Variants in AUTS2 observed in about 807,000 individuals in gnomAD.
The protein encoded by AUTS2 is activator of transcription and developmental regulator AUTS2, also known as autism susceptibility gene 2 protein.
AUTS2 carries 17 observed loss-of-function variants against 112.4 expected under a neutral mutation model. The observed-to-expected ratio is 0.15, with a 90% CI of 0.10 to 0.23. The LOEUF is 0.23. Ranked by LOEUF, AUTS2 falls within the 10% of genes least tolerant of loss-of-function variation. The pLI is 1.00. For missense variants in AUTS2, 1,510 were observed against 1,701.6 expected, an observed-to-expected ratio of 0.89 and a Z score of 1.98; for synonymous variants, 751 against 702.7, an observed-to-expected ratio of 1.07 and a Z score of -1.09.
intron 5 of AUTS2, among the ~76,000 whole-genome samples, chr7:70,527,489 A>G (rs1040287087): frequency 3.6e-4 from 55 of 152,284 alleles, no homozygotes; most frequent in African/African-American, 1.2e-3. Flanking sequence ...AAATTCTAGA[A>G]ACTTCTTCCT....
intron 5 of AUTS2, among the ~76,000 whole-genome samples, chr7:70,516,690 G>A (rs529057453): frequency 4.6e-5 from 7 of 152,278 alleles, no homozygotes; most frequent in African/African-American, 1.7e-4. Context: ...GGCCCCTCAG[G>A]AAATGTTTGC....
Position 70,631,953 on chromosome 7 carries a change from T to C in AUTS2, c.691-66616T>C, listed in dbSNP as rs771926597. On this transcript the variant is annotated intron_variant, in intron 5 of 18. Coordinates refer to ENST00000342771, the MANE Select transcript of AUTS2 (RefSeq NM_015570.4). The surrounding 1 kb of genome is among the most constrained non-coding windows in gnomAD (Gnocchi z 4.5). ...GGAGATTTGCATCTCTGGCCTCCTG[T>C]GGAGACCCGATCTGCCGTCCTGGTG... Among the ~76,000 whole-genome samples the C allele has an allele frequency of 6.6e-6, 1 of 151,942 alleles. No homozygotes were observed. Among genetic ancestry groups the C allele is most frequent in the Non-Finnish European group, 1.5e-5 (1 of 68,002 alleles).
Position 70,180,876 on chromosome 7 carries a change from C to T in AUTS2, c.660+46305C>T, listed in dbSNP as rs1809261234. ...ATTCCTCTATTGACTATTGTGTTTG[C>T]TTTATTTTATAAAATTTATTATTAA... is the stretch of plus-strand genomic sequence containing the variant. On this transcript the variant is annotated intron_variant, in intron 4 of 18. Coordinates refer to ENST00000342771, the MANE Select transcript of AUTS2 (RefSeq NM_015570.4). Among the ~76,000 whole-genome samples, 4 of 152,096 alleles carry T rather than the reference C, an allele frequency of 2.6e-5. No homozygotes were observed. The South Asian group carries it at 8.3e-4, about 32-fold the overall frequency.
At chr7:70,681,776 T>G (rs539199465) in intron 5 of AUTS2, among the ~76,000 whole-genome samples, 1 of 152,144 alleles carries the variant, frequency 6.6e-6, no homozygotes, top group African/African-American at 2.4e-5. Context: ...TCTTGGTATT[T>G]GTAATGCAAA....
At chr7:69,663,905 C>T (rs1019113405) in intron 1 of AUTS2, among the ~76,000 whole-genome samples, 1 of 152,096 alleles carries the variant, frequency 6.6e-6, no homozygotes, top group Non-Finnish European at 1.5e-5. Flanking sequence ...AAATAGATCC[C>T]AAAATGAATC....
At chr7:69,911,147 T>C (rs925540464) in intron 2 of AUTS2, among the ~76,000 whole-genome samples, 1 of 152,214 alleles carries the variant, frequency 6.6e-6, no homozygotes, top group Non-Finnish European at 1.5e-5. Flanking sequence ...CAGCCAGGCA[T>C]GCCTGCTGCT....
intron 1 of AUTS2, among the ~76,000 whole-genome samples, chr7:69,874,494 G>A (rs140589951): frequency 8.5e-5 from 13 of 152,306 alleles, no homozygotes; most frequent in African/African-American, 2.9e-4. Context: ...ACAACAGGCT[G>A]AAAGGCTGGA....
intron 2 of AUTS2, among the ~76,000 whole-genome samples, chr7:69,902,746 A>T (rs1444905254): frequency 6.6e-6 from 1 of 152,192 alleles, no homozygotes; most frequent in Admixed American, 6.5e-5. Flanking sequence ...CAAACTGCTT[A>T]TTCTTTCACT....
chr7:70,037,044 T>C (rs1197323307), intron 2 of AUTS2, among the ~76,000 whole-genome samples: 1 of 152,178 alleles, frequency 6.6e-6, no homozygotes, highest in Non-Finnish European at 1.5e-5. Context: ...CAATCTATAA[T>C]GGAATATTAT....
chr7:69,867,598 T>A (rs1042087589), intron 1 of AUTS2, among the ~76,000 whole-genome samples: 4 of 152,232 alleles, frequency 2.6e-5, no homozygotes, highest in Admixed American at 2.0e-4. Flanking sequence ...CTTTTGTCCT[T>A]GCTTAAATTC....
chr7:69,968,251 C>T (rs1797709112), intron 2 of AUTS2, among the ~76,000 whole-genome samples: 1 of 152,090 alleles, frequency 6.6e-6, no homozygotes, highest in Admixed American at 6.6e-5. Flanking sequence ...CATTTGTAGT[C>T]TTACTTGGTT....
intron 5 of AUTS2, among the ~76,000 whole-genome samples, chr7:70,641,206 G>A (rs1273060784): frequency 6.6e-6 from 1 of 152,154 alleles, no homozygotes; most frequent in African/African-American, 2.4e-5. Flanking sequence ...CATCTTTGAA[G>A]AGTCACCATG....
intron 4 of AUTS2, among the ~76,000 whole-genome samples, chr7:70,144,114 C>G (rs563206075): frequency 1.3e-5 from 2 of 152,042 alleles, no homozygotes; most frequent in South Asian, 4.2e-4. Context: ...CCTCAGAGTT[C>G]TCCCTTTCCA....
chr7:69,755,595 A>G (rs1787914111), intron 1 of AUTS2, among the ~76,000 whole-genome samples: 1 of 152,204 alleles, frequency 6.6e-6, no homozygotes. Context: ...GGTGTCACAA[A>G]GAGCAACATT....
intron 4 of AUTS2, among the ~76,000 whole-genome samples, chr7:70,145,838 T>C (rs1205662138): frequency 6.6e-6 from 1 of 152,162 alleles, no homozygotes; most frequent in Non-Finnish European, 1.5e-5. Flanking sequence ...ACGCTTCTCT[T>C]TGAAGAGGCC....
intron 5 of AUTS2, among the ~76,000 whole-genome samples, chr7:70,585,108 G>T (rs1260572372): frequency 6.6e-6 from 1 of 152,224 alleles, no homozygotes; most frequent in Non-Finnish European, 1.5e-5. Flanking sequence ...TGGGAGCTGA[G>T]AGAAAACCTG....
intron 1 of AUTS2, among the ~76,000 whole-genome samples, chr7:69,791,823 AG>A (rs1157835290): frequency 6.6e-6 from 1 of 152,222 alleles, no homozygotes. Flanking sequence ...TACCTAAGGC[AG>A]GGTTTCTGGT....
intron 1 of AUTS2, among the ~76,000 whole-genome samples, chr7:69,823,016 G>T (rs1791066894): frequency 6.6e-6 from 1 of 152,110 alleles, no homozygotes; most frequent in African/African-American, 2.4e-5. Flanking sequence ...CAGAGAAACT[G>T]GGGACTTTGA....
At chr7:69,944,742 C>T (rs914614245) in intron 2 of AUTS2, among the ~76,000 whole-genome samples, 13 of 151,982 alleles carry the variant, frequency 8.6e-5, no homozygotes, top group Non-Finnish European at 1.3e-4. Context: ...ACTTTTTGTA[C>T]GAGGCACACT....
Sources: gnomAD v4.1 joint callset for allele counts (sites outside exome capture counted in the v4.1 genomes callset) on GRCh38, gnomAD v4.1.1 for gene constraint, Gnocchi (gnomAD v3.1) non-coding constraint, MANE v1.5 for transcripts, NCBI Gene and HGNC (gene_info 2026-07-23, HGNC 2026-07-21) for gene names.